Variants in ZNF75A observed in about 807,000 individuals in gnomAD.
ZNF75A encodes zinc finger protein 75A.
In ZNF75A, 36 loss-of-function variants were observed where a neutral mutation model predicts 46.3. That is an observed-to-expected ratio of 0.78 (90% confidence interval 0.60 to 1.03). ZNF75A has a LOEUF of 1.03. ZNF75A is among the 50% of genes least tolerant of loss of function. ZNF75A has a pLI of 0.00. For synonymous variants in ZNF75A, 234 were observed against 189.9 expected (o/e 1.23, Z -1.91); for missense variants, 595 against 551.3 (o/e 1.08, Z -0.79).
At chr16:3,315,143 G>T in intron 5 of ZNF75A, 1 of 944,010 alleles carries the variant, frequency 1.1e-6, no homozygotes, top group Non-Finnish European at 1.3e-6. Context: ...TCAGTAAGGG[G>T]CATCAGCATT....
rs1276619791 is a variant in ZNF75A, at chr16:3,313,106, T to C, written c.754T>C (p.Leu252=). 2 of 1,613,770 alleles carry C rather than the reference T, an allele frequency of 1.2e-6. No individual in the cohort carries two copies. The highest frequency in any genetic ancestry group is 1.6e-4 in the Middle Eastern group (1 of 6,062). The change falls in exon 5 of 7, where the codon TTG becomes CTG. Residue 252 remains leucine, a synonymous_variant. Transcript: ENST00000669516. ...TTTTTCCCAGGAAGAATGGGAGTTA[T>C]TGGATCCCACTCAGAAGGCCCTCTA... The part of the protein sequence containing the change: ...MYFSQEEWEL[L]DPTQKALYND...
intron 5 of ZNF75A, among the ~76,000 whole-genome samples, chr16:3,314,430 C>A (rs146558448): frequency 6.6e-6 from 1 of 152,154 alleles, no homozygotes; most frequent in Non-Finnish European, 1.5e-5. Context: ...TGTAGGGCTA[C>A]CTGAGCATGA....
downstream of ZNF75A, chr16:3,322,912 T>C (rs1488392004): frequency 8.1e-6 from 8 of 985,158 alleles, no homozygotes; most frequent in African/African-American, 1.7e-5. Context: ...CATTAAACCC[T>C]AGGATAGAAG....
At chr16:3,309,544 C>G (rs958473530) in intron 2 of ZNF75A, 5 of 151,252 alleles carry the variant, frequency 3.3e-5, no homozygotes, top group Non-Finnish European at 5.9e-5. Context: ...CCAAGGCAGA[C>G]AGATCCCCTG....
chr16:3,306,085 G>A (rs1960201800), intron 1 of ZNF75A: 1 of 152,216 alleles, frequency 6.6e-6, no homozygotes, highest in Non-Finnish European at 1.5e-5. Context: ...TGGAACCGGG[G>A]TGGGCAGCAA....
At chr16:3,313,712 G>C (rs1393119488) in intron 5 of ZNF75A, among the ~76,000 whole-genome samples, 1 of 152,162 alleles carries the variant, frequency 6.6e-6, no homozygotes, top group Non-Finnish European at 1.5e-5. Context: ...CTATACAGAA[G>C]CTAGATTGAT....
At position 3,317,206 on chromosome 16, in the gene ZNF75A, C is replaced by T. The variant is rs77642934; in HGVS notation, c.951C>T (p.Asn317=). The change falls in exon 7 of 7, where the codon AAC becomes AAT. Residue 317 remains asparagine (N), a synonymous_variant. Transcript: ENST00000669516. The part of the protein sequence containing the change: ...GKSPTGLKLK[N]DTENHQPVSL... ...TTCCAACAGGGTTAAAGCTCAAAAA[C>T]GACACTGAAAATCATCAGCCTGTGT... The T allele has an allele frequency of 1.4e-3, 2,285 of 1,610,530 alleles. 18 individuals carry two copies. The highest frequency in any genetic ancestry group is 8.4e-3 in the East Asian group (375 of 44,832).
chr16:3,320,090 G>A (rs1157768162), downstream of ZNF75A, among the ~76,000 whole-genome samples: 4 of 151,934 alleles, frequency 2.6e-5, no homozygotes, highest in Admixed American at 2.6e-4. Flanking sequence ...CTGTTGCCCA[G>A]GCTGGAGTGC....
Position 3,308,443 on chromosome 16 carries a change from T to A in ZNF75A, c.15T>A (p.Asp5Glu), listed in dbSNP as rs1430580903. 1.0e-6 allele frequency: 1 copy of A among 985,716 alleles called. No homozygotes were observed. The highest frequency in any genetic ancestry group is 1.1e-4 in the East Asian group (1 of 8,828). 61.1% of individuals were successfully genotyped at this position (985,716 alleles called of 1,614,324 possible). Reference sequence around the variant, plus strand: ...CCTAGAGCAGAATGATGATGGTAGATCTGAAAGTGGCTGCGTACTTGGACC... The same window carrying A: ...CCTAGAGCAGAATGATGATGGTAGAACTGAAAGTGGCTGCGTACTTGGACC... MMMV[D>E]LKVAAYLDPQ... is the part of the protein sequence containing the mutation. Residue 5 changes from aspartate (D) to glutamate (E), a missense_variant, in exon 2 of 7, where the codon GAT (aspartate) becomes GAA (glutamate). Asp to Glu is a conservative substitution (Grantham distance 45). Transcript: ENST00000669516.
intron 5 of ZNF75A, 73 bp from the exon 6 acceptor site, chr16:3,316,839 A>G: frequency 9.8e-7 from 1 of 1,018,240 alleles, no homozygotes; most frequent in Non-Finnish European, 1.5e-6. Context: ...GGTCATCCTG[A>G]AACAGTCTGG....
chr16:3,314,737 CTTCTT>C (rs1224159088), intron 5 of ZNF75A: 1 of 985,302 alleles, frequency 1.0e-6, no homozygotes, highest in African/African-American at 1.7e-5. Context: ...AGTCCATTCT[CTTCTT>C]TAGAGCTTGT....
downstream of ZNF75A, among the ~76,000 whole-genome samples, chr16:3,321,551 G>A (rs1384889162): frequency 1.3e-5 from 2 of 152,048 alleles, no homozygotes; most frequent in Non-Finnish European, 2.9e-5. Flanking sequence ...CCACAGCCTC[G>A]ATCTCCCAGT....
chr16:3,311,064 T>A, intron 2 of ZNF75A: 1 of 539,950 alleles, frequency 1.9e-6, no homozygotes, highest in Non-Finnish European at 2.4e-6. Context: ...ATTTGAATTT[T>A]AGAGAAAACT....
Position 3,318,337 on chromosome 16 carries a change from C to T in ZNF75A, c.*468C>T, listed in dbSNP as rs114219696. ...CACTTGAGTTCCTTCTTAAACTTTT[C>T]GGCAACTTCTCTTGGATCCTGTTAT... On this transcript the variant is annotated 3_prime_UTR_variant, in exon 7 of 7. Coordinates refer to ENST00000669516, the MANE Select transcript of ZNF75A (RefSeq NM_001302109.2). The T allele has an allele frequency of 5.6e-5, 55 of 987,886 alleles. No homozygotes were observed. Among genetic ancestry groups the T allele is most frequent in the South Asian group, 1.4e-4 (3 of 21,470 alleles). 61.2% of individuals were successfully genotyped at this position (987,886 alleles called of 1,614,324 possible).
chr16:3,312,606 C>G, intron 3 of ZNF75A, 71 bp from the exon 4 acceptor site: 2 of 656,002 alleles, frequency 3.0e-6, no homozygotes, highest in African/African-American at 2.0e-5. Flanking sequence ...AAGTCAGGAT[C>G]AGTGTTTTAG....
chr16:3,310,059 A>G (rs914561588), intron 2 of ZNF75A, among the ~76,000 whole-genome samples: 2 of 151,880 alleles, frequency 1.3e-5, no homozygotes, highest in Non-Finnish European at 2.9e-5. Context: ...GCAGCATTGT[A>G]CTCTGGCCTG....
rs376917976 is a variant in ZNF75A, at chr16:3,317,426, C to T, written c.1171C>T (p.Arg391Cys). The stretch of plus-strand genomic sequence containing the variant: ...ACAAGAGCTGCTCAAACTTATGGAT[C>T]GTCACAAGAAAGATTGTGCAAGAGA... Reference protein sequence around the residue: ...WKQELLKLMDRHKKDCAREKP... With the variant: ...WKQELLKLMDCHKKDCAREKP... The change falls in exon 7 of 7, where the codon CGT becomes TGT. Residue 391 changes from arginine to cysteine, a missense_variant. Coordinates refer to ENST00000669516, the MANE Select transcript of ZNF75A (RefSeq NM_001302109.2). 33 of 1,613,978 alleles carry T rather than the reference C, an allele frequency of 2.0e-5. No homozygotes were observed. The highest frequency in any genetic ancestry group is 1.8e-4 in the East Asian group (8 of 44,874).
Position 3,311,808 on chromosome 16 carries a change from C to T in ZNF75A, c.464C>T (p.Ala155Val). ...EAVLLGETAEASSFGLKPTES... is the reference protein window; with the variant it reads ...EAVLLGETAEVSSFGLKPTES... Reference sequence around the variant, plus strand: ...GTGCTCTTGGGAGAAACAGCAGAGGCCTCAAGTTTCGGGCTGAAGCCAACA... The same window carrying T: ...GTGCTCTTGGGAGAAACAGCAGAGGTCTCAAGTTTCGGGCTGAAGCCAACA... The change falls in exon 3 of 7, where the codon GCC becomes GTC. Residue 155 changes from alanine to valine, a missense_variant. Ala to Val is a moderately conservative substitution (Grantham distance 64). Transcript: ENST00000669516. 2 of 1,049,710 alleles carry T rather than the reference C, an allele frequency of 1.9e-6. No homozygotes were observed. The highest frequency in any genetic ancestry group is 2.3e-6 in the Non-Finnish European group (2 of 862,778). 65.0% of individuals were successfully genotyped at this position (1,049,710 alleles called of 1,614,324 possible). A position where few individuals can be genotyped will look rare whatever the true frequency, so the allele number is the denominator to read the frequency against.
chr16:3,314,688 G>A (rs1180354282), intron 5 of ZNF75A: 10 of 985,156 alleles, frequency 1.0e-5, no homozygotes, highest in South Asian at 4.7e-5. Flanking sequence ...CAGTTCATAC[G>A]CAGTTAGGCT....
Sources: allele counts gnomAD v4.1 joint callset (sites outside exome capture counted in the v4.1 genomes callset), GRCh38; gene constraint gnomAD v4.1.1; transcripts MANE v1.5; gene names NCBI Gene and HGNC (gene_info 2026-07-23, HGNC 2026-07-21).